The following ADD1 variants were observed in gnomAD, a reference collection of about 807,000 sequenced individuals.
The protein encoded by ADD1 is adducin 1, also known as alpha-adducin.
ADD1 carries 24 observed loss-of-function variants against 80.5 expected under a neutral mutation model. The observed-to-expected ratio is 0.30, with a 90% CI of 0.22 to 0.42. The LOEUF is 0.42. ADD1 is among the 10% of genes least tolerant of loss of function. The pLI is 1.00. For synonymous variants in ADD1, 373 were observed against 393.8 expected, an observed-to-expected ratio of 0.95 and a Z score of 0.63; for missense variants, 948 against 1,019.0, an observed-to-expected ratio of 0.93 and a Z score of 0.95.
chr4:2,913,479 C>T (rs1738425310), intron 13 of ADD1, among the ~76,000 whole-genome samples: 1 of 152,206 alleles, frequency 6.6e-6, no homozygotes, highest in African/African-American at 2.4e-5. Flanking sequence ...TAACGAAAAG[C>T]CAATGGGCCT....
In ADD1 at chr4:2,846,168, A is replaced by G. The variant is rs1726170861; in HGVS notation, c.-21+2144A>G. 2.0e-5 allele frequency among the ~76,000 whole-genome samples: 3 copies of G among 152,276 alleles called. No homozygotes were observed. In the South Asian group the frequency reaches 6.2e-4, roughly 32 times the overall value. The stretch of plus-strand genomic sequence containing the variant: ...AGAATTCTCATTTTTTTTCTTAACA[A>G]TTTCAATCGATCCACATGCTATCTA... On this transcript the variant is annotated intron_variant, in intron 1 of 15. Transcript: ENST00000683351.
At chr4:2,908,258 G>A (rs1300875278) in intron 11 of ADD1, among the ~76,000 whole-genome samples, 2 of 151,154 alleles carry the variant, frequency 1.3e-5, no homozygotes, top group Admixed American at 6.6e-5. Context: ...GTTAATGACA[G>A]TGAGAGATAG....
chr4:2,899,490 T>C (rs1461792127), intron 9 of ADD1, 55 bp downstream of exon 9: 2 of 1,601,804 alleles, frequency 1.2e-6, no homozygotes, highest in Non-Finnish European at 8.5e-7. Context: ...AGCATCAGTG[T>C]TGGTGTTCTT....
At chr4:2,878,905 G>T (rs1213689062) in intron 2 of ADD1, among the ~76,000 whole-genome samples, 2 of 152,162 alleles carry the variant, frequency 1.3e-5, no homozygotes, top group Non-Finnish European at 2.9e-5. Flanking sequence ...AAGGTGTTAG[G>T]GTGATGAATG....
Position 2,913,684 on chromosome 4 carries a change from G to GTC in ADD1, c.1792-1196_1792-1195dup, listed in dbSNP as rs1342246266. Among the ~76,000 whole-genome samples, 4 of 151,864 alleles carry GTC rather than the reference G, an allele frequency of 2.6e-5. No homozygotes were observed. In the East Asian group the frequency reaches 7.7e-4, roughly 29 times the overall value. On this transcript the variant is annotated intron_variant, in intron 13 of 15. Transcript: ENST00000683351. ...CATCCCAGTCAGTCCAAGTTCCCCT[G>GTC]TCTCTGCTTGAGGAGCGGTCGGCCT... is the stretch of plus-strand genomic sequence containing the variant.
At chr4:2,846,959 C>T (rs1363724436) in intron 1 of ADD1, among the ~76,000 whole-genome samples, 2 of 151,438 alleles carry the variant, frequency 1.3e-5, no homozygotes, top group African/African-American at 4.9e-5. Context: ...CTACTAAAAA[C>T]GCAAAAAATT....
At chr4:2,869,080 C>T (rs1276299784) in intron 1 of ADD1, among the ~76,000 whole-genome samples, 1 of 152,184 alleles carries the variant, frequency 6.6e-6, no homozygotes, top group East Asian at 1.9e-4. Context: ...GCTGCCTTCC[C>T]CAAGCCACCT....
At chr4:2,878,050 G>C (rs1227880886) in intron 2 of ADD1, among the ~76,000 whole-genome samples, 2 of 152,198 alleles carry the variant, frequency 1.3e-5, no homozygotes, top group African/African-American at 4.8e-5. Context: ...TGAGCCCACA[G>C]AGGCAGAAGG....
intron 1 of ADD1, among the ~76,000 whole-genome samples, chr4:2,866,602 C>T (rs890393862): frequency 2.6e-5 from 4 of 151,580 alleles, no homozygotes; most frequent in Non-Finnish European, 4.4e-5. Context: ...GAGGCCTGTT[C>T]TGTGCTAAAT....
At chr4:2,846,903 G>A (rs1401642265) in intron 1 of ADD1, among the ~76,000 whole-genome samples, 3 of 151,692 alleles carry the variant, frequency 2.0e-5, no homozygotes, top group African/African-American at 4.8e-5. Flanking sequence ...GGATCATGAG[G>A]TCAGGAGATC....
At chr4:2,852,281 CTT>C (rs1273607607) in intron 1 of ADD1, among the ~76,000 whole-genome samples, 1 of 67,460 alleles carries the variant, frequency 1.5e-5, no homozygotes, top group Non-Finnish European at 3.4e-5. Flanking sequence ...TTCCTTCCTT[CTT>C]TTCTTTTCTT....
At chr4:2,857,105 G>T (rs751413596) in intron 1 of ADD1, among the ~76,000 whole-genome samples, 7 of 151,194 alleles carry the variant, frequency 4.6e-5, no homozygotes, top group African/African-American at 9.7e-5. Context: ...GTAGAGACAG[G>T]GTTTCACCAT....
At chr4:2,852,286 CTTTTCTTTTCTTTTCTTTTCTTTT>C (rs1394702021) in intron 1 of ADD1, among the ~76,000 whole-genome samples, 18 of 100,534 alleles carry the variant, frequency 1.8e-4, no homozygotes, top group African/African-American at 4.7e-4. Flanking sequence ...TCCTTCTTTT[CTTTTCTTTTCTTTTCTTTTCTTTT>C]TTTTCTTTTC....
In ADD1 at chr4:2,904,756, G is replaced by T. The variant is rs1736755274; in HGVS notation, c.1162-8G>T. On this transcript the variant is annotated splice_polypyrimidine_tract_variant and splice_region_variant and intron_variant, in intron 9 of 15. Transcript: ENST00000683351. ...TATTGACTGTCTTTCACTCTCCTTG[G>T]ACCCTAGGGCTACAGAACTGGCTAC... 6.8e-6 allele frequency: 11 copies of T among 1,608,496 alleles called. No individual in the cohort carries two copies. The East Asian group carries it at 2.5e-4, about 36-fold the overall frequency.
intron 14 of ADD1, among the ~76,000 whole-genome samples, chr4:2,918,364 G>C (rs1301176221): frequency 6.6e-6 from 1 of 152,198 alleles, no homozygotes; most frequent in Non-Finnish European, 1.5e-5. Flanking sequence ...AGTTGATTTT[G>C]TATCTTGAGA....
chr4:2,876,496 G>GT (rs1195344308), intron 2 of ADD1: 1 of 154,286 alleles, frequency 6.5e-6, no homozygotes, highest in African/African-American at 2.4e-5. Flanking sequence ...GAGGTCAGAA[G>GT]TTCGAGACCA....
chr4:2,909,545 A>G lies in ADD1; in HGVS notation c.1791+114A>G, dbSNP rs1737663228. The G allele has an allele frequency of 4.2e-6, 3 of 721,418 alleles. No individual in the cohort carries two copies. In the African/African-American group the frequency reaches 5.9e-5, roughly 14 times the overall value. The allele number at this position is 721,418 out of a possible 1,614,324, so 44.7% of individuals were successfully genotyped here. On this transcript the variant is annotated intron_variant, in intron 13 of 15. Transcript: ENST00000683351. ...TAGTTACTGAAGTAGCTTCAAATGG[A>G]TCTTTAACCTGTTTGTGAGATTGTA...
At chr4:2,899,123 C>A in intron 8 of ADD1, 136 bp from the exon 9 acceptor site, 2 of 877,396 alleles carry the variant, frequency 2.3e-6, no homozygotes, top group Non-Finnish European at 3.5e-6. Context: ...ATCAGTCTGT[C>A]ACTATCCATT....
At chr4:2,885,392 T>G (rs1308259096) in intron 4 of ADD1, among the ~76,000 whole-genome samples, 1 of 152,128 alleles carries the variant, frequency 6.6e-6, no homozygotes, top group Non-Finnish European at 1.5e-5. Context: ...CAACCATAAC[T>G]CATCTCTCTT....
Sources: allele counts gnomAD v4.1 joint callset (sites outside exome capture counted in the v4.1 genomes callset), GRCh38; gene constraint gnomAD v4.1.1; transcripts MANE v1.5; gene names NCBI Gene and HGNC (gene_info 2026-07-23, HGNC 2026-07-21).